Variants in KDM1A observed in about 807,000 individuals in gnomAD.
KDM1A encodes the protein lysine-specific histone demethylase 1A.
KDM1A carries 49 observed loss-of-function variants against 109.4 expected under a neutral mutation model. The observed-to-expected ratio is 0.45, with a 90% CI of 0.36 to 0.57. KDM1A has a LOEUF of 0.57. Ranked by LOEUF, KDM1A falls within the 20% of genes least tolerant of loss-of-function variation. The pLI is 0.00. For synonymous variants in KDM1A, 380 were observed against 415.4 expected, an observed-to-expected ratio of 0.91 and a Z score of 1.04; for missense variants, 668 against 1,116.6, an observed-to-expected ratio of 0.60 and a Z score of 5.73.
At chr1:23,025,515 G>C (rs963454199) in intron 1 of KDM1A, among the ~76,000 whole-genome samples, 22 of 152,154 alleles carry the variant, frequency 1.4e-4, no homozygotes, top group African/African-American at 5.1e-4. Context: ...ATTTTCAGCA[G>C]AGACGGGTTT....
chr1:23,029,351 T>C (rs1047061908), intron 1 of KDM1A, among the ~76,000 whole-genome samples: 2 of 152,210 alleles, frequency 1.3e-5, no homozygotes, highest in African/African-American at 4.8e-5. Context: ...AATTTTTTAA[T>C]TGATTCCATA....
chr1:23,050,619 AATT>A (rs1336870787), intron 4 of KDM1A, 99 bp downstream of exon 4: 1 of 929,466 alleles, frequency 1.1e-6, no homozygotes, highest in Non-Finnish European at 1.5e-6. Context: ...AGAATTCTAA[AATT>A]ATCTATAATA....
At position 23,061,732 on chromosome 1, in the gene KDM1A, C is replaced by T. The variant is rs918783751; in HGVS notation, c.1167+2565C>T. Among the ~76,000 whole-genome samples the T allele has an allele frequency of 2.6e-5, 4 of 151,036 alleles. 1 individual carries two copies. Among genetic ancestry groups the T allele is most frequent in the Admixed American group, 2.6e-4 (4 of 15,172 alleles). On this transcript the variant is annotated intron_variant, in intron 9 of 20. Transcript: ENST00000400181. ...AGTGCAGTGGCACAATCTTGACTCA[C>T]TGCAACCTCTGCCTCCCGGGCTCAA... is the stretch of plus-strand genomic sequence containing the variant.
intron 15 of KDM1A, among the ~76,000 whole-genome samples, chr1:23,074,453 T>C (rs534096572): frequency 6.6e-6 from 1 of 152,344 alleles, no homozygotes; most frequent in East Asian, 1.9e-4. Flanking sequence ...TTTAATTTTT[T>C]TCTTTTGAGA....
At chr1:23,071,420 T>G in intron 13 of KDM1A, 61 bp downstream of exon 13, 1 of 1,492,708 alleles carries the variant, frequency 6.7e-7, no homozygotes, top group African/African-American at 1.4e-5. Flanking sequence ...AGCACAGATC[T>G]GGGGAATTTT....
At chr1:23,054,212 G>C (rs1642756960) in intron 5 of KDM1A, among the ~76,000 whole-genome samples, 1 of 152,196 alleles carries the variant, frequency 6.6e-6, no homozygotes, top group African/African-American at 2.4e-5. Context: ...TAACTACTTT[G>C]TGAAGGTTTG....
chr1:23,038,303 C>G (rs1642209727), intron 2 of KDM1A, among the ~76,000 whole-genome samples: 1 of 149,902 alleles, frequency 6.7e-6, no homozygotes, highest in African/African-American at 2.5e-5. Flanking sequence ...AAACTTAAAT[C>G]TTGATAATAA....
At chr1:23,050,623 A>T (rs1380661480) in intron 4 of KDM1A, 103 bp downstream of exon 4, 11 of 946,820 alleles carry the variant, frequency 1.2e-5, no homozygotes, top group Non-Finnish European at 1.6e-5. Context: ...TTCTAAAATT[A>T]TCTATAATAC....
intron 2 of KDM1A, among the ~76,000 whole-genome samples, chr1:23,034,035 A>C (rs528823854): frequency 1.3e-5 from 2 of 152,184 alleles, no homozygotes; most frequent in African/African-American, 4.8e-5. Flanking sequence ...GCACTTATAT[A>C]ATTGGAAGGA....
At chr1:23,059,596 C>T (rs987987602) in intron 9 of KDM1A, among the ~76,000 whole-genome samples, 53 of 152,188 alleles carry the variant, frequency 3.5e-4, no homozygotes, top group African/African-American at 1.2e-3. Context: ...GGGCTAATAG[C>T]CAAATGGTGG....
Position 23,079,803 on chromosome 1 carries a change from AGGTACTGG to A in KDM1A, c.2170+141_2170+148del. On this transcript the variant is annotated intron_variant, in intron 18 of 20. Transcript: ENST00000400181. The surrounding 1 kb of genome is among the most constrained non-coding windows in gnomAD (Gnocchi z 5.6). ...ACAAACAATTCCTGAAATACCTTCT[AGGTACTGG>A]GGTATAAAAATACCTGCCTTCAAGG... The A allele has an allele frequency of 1.9e-6, 1 of 534,984 alleles. No homozygotes were observed. Among genetic ancestry groups the A allele is most frequent in the East Asian group, 3.6e-5 (1 of 28,028 alleles). 33.1% of individuals were successfully genotyped at this position (534,984 alleles called of 1,614,324 possible).
At chr1:23,020,887 A>G (rs1047205634) in intron 1 of KDM1A, among the ~76,000 whole-genome samples, 1 of 152,214 alleles carries the variant, frequency 6.6e-6, no homozygotes, top group African/African-American at 2.4e-5. Context: ...CACATGGGAC[A>G]CTGTGTGCAG....
At chr1:23,061,622 C>T (rs533415793) in intron 9 of KDM1A, among the ~76,000 whole-genome samples, 8 of 151,014 alleles carry the variant, frequency 5.3e-5, no homozygotes, top group African/African-American at 1.9e-4. Context: ...TAGTCTGTCT[C>T]AGAGCAAGAA....
chr1:23,020,480 C>T (rs1002981207), intron 1 of KDM1A: 1 of 150,674 alleles, frequency 6.6e-6, no homozygotes, highest in Admixed American at 6.6e-5. Flanking sequence ...GGTAGGAGTT[C>T]TAGTCTTTTT....
At chr1:23,050,595 TAAAAA>T (rs1386080682) in intron 4 of KDM1A, 75 bp downstream of exon 4, 3 of 1,226,588 alleles carry the variant, frequency 2.4e-6, no homozygotes, top group African/African-American at 3.1e-5. Context: ...ATGGGAAAAA[TAAAAA>T]GAGAAGAAAG....
chr1:23,035,272 G>A (rs1383476255), intron 2 of KDM1A, among the ~76,000 whole-genome samples: 2 of 152,018 alleles, frequency 1.3e-5, no homozygotes, highest in South Asian at 2.1e-4. Flanking sequence ...GCATGATCTC[G>A]GCTCACCACA....
In KDM1A at chr1:23,019,657, A is replaced by G; in HGVS notation, c.61A>G (p.Thr21Ala). The change falls in exon 1 of 21, where the codon ACG becomes GCG. Residue 21 changes from threonine to alanine, a missense_variant. Physicochemically the swap from Thr to Ala is moderately conservative, Grantham distance 58 (BLOSUM62 0). Transcript: ENST00000400181. ...GGCGGCTGCAGCGGCAGCAACCGGG[A>G]CGGAGGCTGGCCCTGGGACAGCAGG... Reference protein sequence around the residue: ...AAAAAAAATGTEAGPGTAGGS... With the variant: ...AAAAAAAATGAEAGPGTAGGS... 7.1e-7 allele frequency: 1 copy of G among 1,404,682 alleles called. No homozygotes were observed. Among genetic ancestry groups the G allele is most frequent in the South Asian group, 1.6e-5 (1 of 64,182 alleles). The allele number at this position is 1,404,682 out of a possible 1,614,324, so 87.0% of individuals were successfully genotyped here. A position where few individuals can be genotyped will look rare whatever the true frequency, so the allele number is the denominator to read the frequency against.
At chr1:23,043,360 C>T (rs767715583) in intron 2 of KDM1A, among the ~76,000 whole-genome samples, 12 of 152,200 alleles carry the variant, frequency 7.9e-5, no homozygotes, top group Non-Finnish European at 1.2e-4. Flanking sequence ...CTTCTAGCAA[C>T]ACATTCTAAT....
intron 1 of KDM1A, among the ~76,000 whole-genome samples, chr1:23,028,936 A>G (rs1641892647): frequency 6.6e-6 from 1 of 152,196 alleles, no homozygotes; most frequent in African/African-American, 2.4e-5. Context: ...CCACGTACTC[A>G]GTGTTCAGTA....
Sources: gnomAD v4.1 joint callset for allele counts (sites outside exome capture counted in the v4.1 genomes callset) on GRCh38, gnomAD v4.1.1 for gene constraint, Gnocchi (gnomAD v3.1) non-coding constraint, MANE v1.5 for transcripts, NCBI Gene and HGNC (gene_info 2026-07-23, HGNC 2026-07-21) for gene names.